Variants in MSH6 observed in about 807,000 individuals in gnomAD.
The protein encoded by MSH6 is DNA mismatch repair protein Msh6.
In MSH6, 85 loss-of-function variants were observed where a neutral mutation model predicts 119.1. The observed-to-expected ratio is 0.71, with a 90% confidence interval of 0.60 to 0.85. The LOEUF (loss-of-function observed/expected upper bound fraction) is 0.85. MSH6 is among the 40% of genes least tolerant of loss of function. The pLI, the probability that MSH6 is intolerant of heterozygous loss-of-function variation, is 0.00. For missense variants in MSH6, 2,163 were observed against 1,655.3 expected, an observed-to-expected ratio of 1.31 and a Z score of -5.32; for synonymous variants, 830 against 586.9, an observed-to-expected ratio of 1.41 and a Z score of -5.99.
At chr2:47,790,903 T>G (rs1668681106) in intron 1 of MSH6, 24 bp from the exon 2 acceptor site, 4 of 1,610,134 alleles carry the variant, frequency 2.5e-6, no homozygotes, top group African/African-American at 1.3e-5. Flanking sequence ...ATTAACTAAG[T>G]TATGTATTTC....
At chr2:47,787,343 AC>A (rs1558648516) in intron 1 of MSH6, among the ~76,000 whole-genome samples, 1 of 152,228 alleles carries the variant, frequency 6.6e-6, no homozygotes, top group Non-Finnish European at 1.5e-5. Context: ...TTTAGGAACA[AC>A]TAGTAATTGA....
At chr2:47,798,079 C>T (rs551586922) in intron 3 of MSH6, 2 of 206,588 alleles carry the variant, frequency 9.7e-6, no homozygotes, top group East Asian at 2.4e-4. Flanking sequence ...GCTACACTTA[C>T]AGCAAGTCCA....
intron 2 of MSH6, among the ~76,000 whole-genome samples, chr2:47,792,232 G>A (rs929406134): frequency 1.3e-5 from 2 of 152,130 alleles, no homozygotes; most frequent in African/African-American, 4.8e-5. Context: ...CAGGTGATCT[G>A]CCCATTTCGG....
chr2:47,801,361 G>GTTTT (rs10666222), intron 4 of MSH6: 11,594 of 89,328 alleles, frequency 0.13, 2,435 homozygotes, highest in East Asian at 0.23. Flanking sequence ...CCTTTCTTCA[G>GTTTT]TTTTTTTTTT....
At chr2:47,795,809 G>T in intron 2 of MSH6, 85 bp from the exon 3 acceptor site, 1 of 1,167,672 alleles carries the variant, frequency 8.6e-7, no homozygotes, top group Middle Eastern at 2.1e-4. Flanking sequence ...TTGCTATGTT[G>T]CCCAGGCTGG....
In MSH6 at chr2:47,805,030, G is replaced by T. The variant is rs1057521667; in HGVS notation, c.3556+3G>T. Reference sequence around the variant, plus strand: ...TGCCTCAGACAGAATAATGTCAGGTGAGTTTTTTGTTTCCCACTTAAGTTC... The same window carrying T: ...TGCCTCAGACAGAATAATGTCAGGTTAGTTTTTTGTTTCCCACTTAAGTTC... On this transcript the variant is annotated splice_donor_region_variant and intron_variant, in intron 6 of 9. Coordinates refer to ENST00000234420, the MANE Select transcript of MSH6 (RefSeq NM_000179.3). The T allele has an allele frequency of 1.9e-6, 3 of 1,601,870 alleles. No homozygotes were observed. In the African/African-American group the frequency reaches 4.0e-5, roughly 21 times the overall value.
At chr2:47,807,980 T>C, downstream of MSH6, 3 of 752,902 alleles carry the variant, frequency 4.0e-6, no homozygotes, top group Non-Finnish European at 6.5e-6. Context: ...TTGAGCTTCA[T>C]AGTGTCAACT....
Position 47,803,465 on chromosome 2 carries a change from C to A in MSH6, c.3218C>A (p.Pro1073His), listed in dbSNP as rs587779257. 6.2e-7 allele frequency: 1 copy of A among 1,614,144 alleles called. No homozygotes were observed. The highest frequency in any genetic ancestry group is 8.5e-7 in the Non-Finnish European group (1 of 1,180,040). ...AACTATAGTCGAGGGGGTGATGGTC[C>A]TATGTGTCGCCCAGTAATTCTGTTG... ...LANYSRGGDG[P>H]MCRPVILLPE... The change falls in exon 5 of 10, where the codon CCT (proline) becomes CAT (histidine). Residue 1073 changes from proline to histidine, a missense_variant. Pro to His is a moderately conservative substitution (Grantham distance 77, BLOSUM62 -2). Transcript: ENST00000234420.
Position 47,800,166 on chromosome 2 carries a change from A to G in MSH6, c.2183A>G (p.Lys728Arg), listed in dbSNP as rs35552856. 6 of 1,614,212 alleles carry G rather than the reference A, an allele frequency of 3.7e-6. No homozygotes were observed. In the Admixed American group the frequency reaches 5.0e-5, roughly 13 times the overall value. ...ACAAGATCTGGTGCTATCTTCACCA[A>G]AGCCTATCAACGAATGGTGCTAGAT... ...STTRSGAIFTKAYQRMVLDAV... is the reference protein window; with the variant it reads ...STTRSGAIFTRAYQRMVLDAV... Residue 728 changes from lysine to arginine, a missense_variant, in exon 4 of 10, where the codon AAA (lysine) becomes AGA (arginine). By Grantham distance (26) the Lys-to-Arg change is conservative. Transcript: ENST00000234420.
In MSH6 at chr2:47,783,716, G is replaced by A. The variant is rs536737483; in HGVS notation, c.260+223G>A. 3 of 513,128 alleles carry A rather than the reference G, an allele frequency of 5.8e-6. No homozygotes were observed. The African/African-American group carries it at 6.0e-5, about 10-fold the overall frequency. The allele number at this position is 513,128 out of a possible 1,614,324, so 31.8% of individuals were successfully genotyped here. Reference sequence around the variant, plus strand: ...TCGGAGGAGAGAGGCTGTGCAGGAAGAGGGCTGCAGGGGAGACGCGGAGAG... The same window carrying A: ...TCGGAGGAGAGAGGCTGTGCAGGAAAAGGGCTGCAGGGGAGACGCGGAGAG... On this transcript the variant is annotated intron_variant, in intron 1 of 9. Transcript: ENST00000234420.
rs1669357980 is a variant in MSH6 at position 47,799,636 on chromosome 2, C to T, written c.1653C>T (p.Gly551=). The change falls in exon 4 of 10, where the codon GGC becomes GGT. Residue 551 remains glycine (G), a synonymous_variant. Coordinates refer to ENST00000234420, the MANE Select transcript of MSH6 (RefSeq NM_000179.3). ...AAGAAAAAGAGGAAGATTCTTCTGG[C>T]CATACTCGTGCATATGGTGTGTGCT... The part of the protein sequence containing the change: ...SLKEKEEDSS[G]HTRAYGVCFV... 4 of 1,614,062 alleles carry T rather than the reference C, an allele frequency of 2.5e-6. No homozygotes were observed. Among genetic ancestry groups the T allele is most frequent in the Middle Eastern group, 1.6e-4 (1 of 6,062 alleles).
intron 3 of MSH6, 80 bp downstream of exon 3, chr2:47,796,143 C>G (rs1272177048): frequency 1.4e-6 from 2 of 1,417,346 alleles, no homozygotes; most frequent in African/African-American, 1.4e-5. Context: ...TAACAAGATA[C>G]CTTGTTTTAT....
chr2:47,807,355 C>T (rs2104600566), downstream of MSH6: 1 of 211,618 alleles, frequency 4.7e-6, no homozygotes, highest in East Asian at 7.2e-5. Context: ...CAGTGCATCC[C>T]TTCCTAGGAA....
Position 47,793,627 on chromosome 2 carries a change from A to T in MSH6, c.458-2267A>T, listed in dbSNP as rs538317438. Among the ~76,000 whole-genome samples the T allele has an allele frequency of 3.4e-4, 52 of 151,434 alleles. No individual in the cohort carries two copies. In the East Asian group the frequency reaches 8.7e-3, roughly 25 times the overall value. ...ATCTCAAAAATAAATAAATAAATAA[A>T]TAAATAAAATAAAATAATAAATAAA... is the stretch of plus-strand genomic sequence containing the variant. On this transcript the variant is annotated intron_variant, in intron 2 of 9. Coordinates refer to ENST00000234420, the MANE Select transcript of MSH6 (RefSeq NM_000179.3).
intron 3 of MSH6, 33 bp from the exon 4 acceptor site, chr2:47,798,578 T>C (rs1204704790): frequency 3.1e-6 from 5 of 1,602,284 alleles, no homozygotes; most frequent in East Asian, 2.2e-5. Context: ...CAAATTTTGA[T>C]TTGTTTTTAA....
At chr2:47,785,613 A>G (rs1320812315) in intron 1 of MSH6, among the ~76,000 whole-genome samples, 2 of 152,248 alleles carry the variant, frequency 1.3e-5, no homozygotes, top group Non-Finnish European at 2.9e-5. Context: ...GTGTAATTAT[A>G]GTGTTACCCT....
chr2:47,801,350 G>A (rs1275024271), intron 4 of MSH6, 195 bp downstream of exon 4: 2 of 218,792 alleles, frequency 9.1e-6, no homozygotes, highest in African/African-American at 3.0e-5. Context: ...TAGCCCTTTG[G>A]CCTTTCTTCA....
intron 5 of MSH6, 128 bp from the exon 6 acceptor site, chr2:47,804,782 C>G (rs749908591): frequency 1.7e-5 from 13 of 772,994 alleles, no homozygotes; most frequent in African/African-American, 6.8e-5. Context: ...AGAACAGAAC[C>G]AACGTACATG....
downstream of MSH6, chr2:47,809,276 A>G (rs1267126708): frequency 1.4e-6 from 2 of 1,463,390 alleles, no homozygotes; most frequent in Non-Finnish European, 1.9e-6. Flanking sequence ...TCTGTAATAA[A>G]AGAAAGAATA....
Sources: allele counts gnomAD v4.1 joint callset (sites outside exome capture counted in the v4.1 genomes callset), GRCh38; gene constraint gnomAD v4.1.1; transcripts MANE v1.5; gene names NCBI Gene and HGNC (gene_info 2026-07-23, HGNC 2026-07-21).